Variants in FAM184A observed in about 807,000 individuals in gnomAD.
The protein encoded by FAM184A is family with sequence similarity 184 member A.
A neutral mutation model predicts 143.8 loss-of-function variants in FAM184A; 99 were observed. That is an observed-to-expected ratio of 0.69 (90% confidence interval 0.58 to 0.81). The LOEUF is 0.81. FAM184A is among the 40% of genes least tolerant of loss of function. The pLI is 0.00. For missense variants in FAM184A, 1,217 were observed against 1,310.5 expected (o/e 0.93, Z 1.10); for synonymous variants, 427 against 446.4 (o/e 0.96, Z 0.55).
chr6:119,006,759 G>T, intron 6 of FAM184A, 151 bp from the exon 7 acceptor site: 3 of 602,996 alleles, frequency 5.0e-6, no homozygotes, highest in Non-Finnish European at 8.2e-6. Context: ...AAATAACCAT[G>T]ACAGCTTTCT....
chr6:119,102,843 G>T (rs546089397), intron 1 of FAM184A, among the ~76,000 whole-genome samples: 9 of 130,934 alleles, frequency 6.9e-5, no homozygotes, highest in Non-Finnish European at 1.3e-4. Flanking sequence ...CACTAAAAAA[G>T]GGCAGAGAAG....
At chr6:119,009,843 T>C (rs1044187785) in intron 6 of FAM184A, among the ~76,000 whole-genome samples, 5 of 152,208 alleles carry the variant, frequency 3.3e-5, no homozygotes, top group South Asian at 2.1e-4. Flanking sequence ...TGGTACCTAA[T>C]AGGCATTCCA....
chr6:119,098,333 G>A (rs1268736327), intron 1 of FAM184A, among the ~76,000 whole-genome samples: 1 of 152,156 alleles, frequency 6.6e-6, no homozygotes, highest in Non-Finnish European at 1.5e-5. Flanking sequence ...TTAGTCTCGA[G>A]TATGTCTTTA....
At chr6:119,092,121 C>T (rs1428326339) in intron 1 of FAM184A, among the ~76,000 whole-genome samples, 1 of 152,176 alleles carries the variant, frequency 6.6e-6, no homozygotes, top group Non-Finnish European at 1.5e-5. Flanking sequence ...ATCCACATGA[C>T]TTTTATTTGC....
intron 1 of FAM184A, among the ~76,000 whole-genome samples, chr6:119,047,610 C>A (rs141532220): frequency 1.7e-4 from 26 of 152,258 alleles, no homozygotes; most frequent in African/African-American, 5.1e-4. Context: ...TCTGTGCACA[C>A]AAACTAGAAA....
chr6:118,961,158 T>C (rs551608651), intron 17 of FAM184A, among the ~76,000 whole-genome samples: 1 of 152,054 alleles, frequency 6.6e-6, no homozygotes, highest in Non-Finnish European at 1.5e-5. Flanking sequence ...AAATTTCTAA[T>C]GAAATTTGCA....
chr6:119,068,546 A>G (rs1345150224), intron 1 of FAM184A, among the ~76,000 whole-genome samples: 4 of 152,332 alleles, frequency 2.6e-5, no homozygotes, highest in Non-Finnish European at 2.9e-5. Flanking sequence ...AATATGTATT[A>G]AAAGTCAAAC....
At chr6:119,045,770 T>C (rs1038470454) in intron 1 of FAM184A, among the ~76,000 whole-genome samples, 4 of 152,182 alleles carry the variant, frequency 2.6e-5, no homozygotes, top group Admixed American at 2.6e-4. Flanking sequence ...TCAGACAAAA[T>C]TTCTTCTTAA....
intron 1 of FAM184A, among the ~76,000 whole-genome samples, chr6:119,046,951 A>G (rs1335665946): frequency 1.3e-5 from 2 of 152,236 alleles, no homozygotes; most frequent in Non-Finnish European, 2.9e-5. Context: ...GACAACCCAC[A>G]GAGTAGAAAA....
intron 14 of FAM184A, among the ~76,000 whole-genome samples, chr6:118,971,991 G>A (rs1783712037): frequency 6.6e-6 from 1 of 152,136 alleles, no homozygotes; most frequent in Non-Finnish European, 1.5e-5. Flanking sequence ...TGATTTCAAA[G>A]TTTTAAAGCC....
chr6:118,966,224 A>G (rs1440422695), intron 15 of FAM184A, among the ~76,000 whole-genome samples: 1 of 152,230 alleles, frequency 6.6e-6, no homozygotes, highest in African/African-American at 2.4e-5. Flanking sequence ...GTTAAAGAGT[A>G]TATTCATTGT....
chr6:119,093,152 C>A lies in FAM184A; in HGVS notation c.-202+55926G>T, dbSNP rs368741980. 1.8e-4 allele frequency among the ~76,000 whole-genome samples: 27 copies of A among 152,280 alleles called. No individual in the cohort carries two copies. The East Asian group carries it at 2.3e-3, about 13-fold the overall frequency. ...ATTCATAGAGGCCACTGCCACTAAC[C>A]TTTCATAAAATGCTGGTATGTTCCT... On this transcript the variant is annotated intron_variant, in intron 1 of 16. Coordinates refer to the FAM184A transcript ENST00000352896.
intron 1 of FAM184A, among the ~76,000 whole-genome samples, chr6:119,125,493 G>A (rs1211924933): frequency 3.3e-5 from 5 of 152,102 alleles, no homozygotes; most frequent in Admixed American, 2.0e-4. Context: ...GGCTGGTCTC[G>A]AACTCCTGAC....
In FAM184A at chr6:118,976,022, G is replaced by A. The variant is rs1468651727; in HGVS notation, c.2478C>T (p.Asn826=). The change falls in exon 12 of 18, where the codon AAC becomes AAT. Residue 826 remains asparagine, a synonymous_variant. Coordinates refer to ENST00000338891, the MANE Select transcript of FAM184A (RefSeq NM_024581.6). ...AMLASLRSEL[N]HQHAAAIDLL... ...AATCAATTGCAGCTGCATGTTGATG[G>A]TTGAGTTCTGAGCGCAAGGAAGCTG... is the stretch of plus-strand genomic sequence containing the variant. 6.2e-7 allele frequency: 1 copy of A among 1,612,886 alleles called. No individual in the cohort carries two copies. The highest frequency in any genetic ancestry group is 2.2e-5 in the East Asian group (1 of 44,812).
intron 1 of FAM184A, among the ~76,000 whole-genome samples, chr6:119,037,690 G>T (rs996229687): frequency 6.6e-6 from 1 of 152,116 alleles, no homozygotes; most frequent in Non-Finnish European, 1.5e-5. Flanking sequence ...TTTAGAATAC[G>T]TAAAAATAAT....
chr6:119,060,040 C>G (rs1787167300), intron 1 of FAM184A, among the ~76,000 whole-genome samples: 1 of 152,218 alleles, frequency 6.6e-6, no homozygotes, highest in Admixed American at 6.5e-5. Flanking sequence ...TTGTAACTAC[C>G]TGGCAGAAAA....
chr6:119,122,896 G>A (rs1341304490), intron 1 of FAM184A, among the ~76,000 whole-genome samples: 1 of 102,182 alleles, frequency 9.8e-6, no homozygotes, highest in African/African-American at 4.0e-5. Flanking sequence ...CTGTACTCCA[G>A]CCTGAGCAAC....
At chr6:119,126,192 C>T (rs1206207020) in intron 1 of FAM184A, among the ~76,000 whole-genome samples, 1 of 152,200 alleles carries the variant, frequency 6.6e-6, no homozygotes, top group Non-Finnish European at 1.5e-5. Context: ...TTGCTCTCAG[C>T]TTCTGTGGGC....
intron 1 of FAM184A, among the ~76,000 whole-genome samples, chr6:119,067,219 G>A (rs902594224): frequency 2.0e-5 from 3 of 152,140 alleles, no homozygotes; most frequent in Non-Finnish European, 4.4e-5. Flanking sequence ...TCACACAAAA[G>A]ATTAGTATTT....
Sources: allele counts gnomAD v4.1 joint callset (sites outside exome capture counted in the v4.1 genomes callset), GRCh38; gene constraint gnomAD v4.1.1; transcripts MANE v1.5; gene names NCBI Gene and HGNC (gene_info 2026-07-23, HGNC 2026-07-21).